Variants in SLC39A11 observed in about 807,000 individuals in gnomAD.
The protein encoded by SLC39A11 is zinc transporter ZIP11.
In SLC39A11, 33 loss-of-function variants were observed where a neutral mutation model predicts 36.1. That is an observed-to-expected ratio of 0.91 (90% CI 0.69 to 1.22). SLC39A11 has a LOEUF of 1.22. SLC39A11 is among the 50% of genes most tolerant of loss of function. The pLI is 0.00. For synonymous variants in SLC39A11, 166 were observed against 170.3 expected (o/e 0.97, Z 0.20); for missense variants, 432 against 430.3 (o/e 1.00, Z -0.03).
intron 5 of SLC39A11, among the ~76,000 whole-genome samples, chr17:72,932,713 G>C (rs1225211298): frequency 6.6e-6 from 1 of 152,028 alleles, no homozygotes; most frequent in African/African-American, 2.4e-5. Flanking sequence ...TGTCCAAACA[G>C]AATAACAACT....
intron 4 of SLC39A11, among the ~76,000 whole-genome samples, chr17:72,987,752 C>T (rs1157085384): frequency 6.6e-6 from 1 of 152,188 alleles, no homozygotes; most frequent in Non-Finnish European, 1.5e-5. Flanking sequence ...CTTCATGACA[C>T]TTACAGAGAA....
At chr17:72,824,036 C>A (rs2077910003) in intron 6 of SLC39A11, among the ~76,000 whole-genome samples, 2 of 151,060 alleles carry the variant, frequency 1.3e-5, no homozygotes, top group African/African-American at 4.8e-5. Flanking sequence ...AATAAAAGCA[C>A]AAAAAAACAT....
chr17:72,899,647 T>C (rs62069566), intron 5 of SLC39A11, among the ~76,000 whole-genome samples: 1,784 of 152,310 alleles, frequency 0.012, 16 homozygotes, highest in Non-Finnish European at 0.017. Context: ...AAAACTCATG[T>C]AGCAGAATGC....
chr17:73,069,572 C>G (rs2060098537), intron 3 of SLC39A11, among the ~76,000 whole-genome samples: 1 of 152,218 alleles, frequency 6.6e-6, no homozygotes, highest in South Asian at 2.1e-4. Flanking sequence ...TGATTACTGG[C>G]TCTTCTCCCC....
At chr17:72,842,687 C>A (rs906275957) in intron 6 of SLC39A11, among the ~76,000 whole-genome samples, 3 of 152,122 alleles carry the variant, frequency 2.0e-5, no homozygotes, top group African/African-American at 7.2e-5. Flanking sequence ...TCTAAAAAAC[C>A]ATGTTGTTTC....
chr17:72,954,206 C>T (rs1318722371), intron 4 of SLC39A11, among the ~76,000 whole-genome samples: 5 of 152,070 alleles, frequency 3.3e-5, no homozygotes, highest in African/African-American at 7.2e-5. Context: ...CCACCATGCC[C>T]GGCTAATATT....
chr17:72,685,425 G>A (rs957202201), intron 7 of SLC39A11, among the ~76,000 whole-genome samples: 3 of 152,280 alleles, frequency 2.0e-5, no homozygotes, highest in South Asian at 2.1e-4. Context: ...GAACAAGAAC[G>A]AGGCCCAGCG....
chr17:72,653,055 G>C (rs145335971), intron 7 of SLC39A11, among the ~76,000 whole-genome samples: 1 of 152,098 alleles, frequency 6.6e-6, no homozygotes, highest in Admixed American at 6.5e-5. Flanking sequence ...AAGGGAGTAG[G>C]GGGCATTCTG....
intron 5 of SLC39A11, among the ~76,000 whole-genome samples, chr17:72,880,585 T>C (rs1457782601): frequency 1.3e-5 from 2 of 151,892 alleles, no homozygotes; most frequent in African/African-American, 4.8e-5. Context: ...AAGAACTTGG[T>C]ATTGCAGAGA....
chr17:72,960,610 G>A (rs1165343377), intron 4 of SLC39A11, among the ~76,000 whole-genome samples: 2 of 151,894 alleles, frequency 1.3e-5, no homozygotes, highest in Admixed American at 6.5e-5. Flanking sequence ...TGAACATGGC[G>A]AGACCCCATC....
chr17:73,087,769 A>C (rs1250433378), intron 2 of SLC39A11, among the ~76,000 whole-genome samples: 1 of 152,020 alleles, frequency 6.6e-6, no homozygotes, highest in African/African-American at 2.4e-5. Flanking sequence ...GATACAAGGA[A>C]GATGTAGGAG....
At chr17:72,687,038 C>A (rs775233704) in intron 7 of SLC39A11, among the ~76,000 whole-genome samples, 71 of 152,218 alleles carry the variant, frequency 4.7e-4, no homozygotes, top group Non-Finnish European at 9.4e-4. Flanking sequence ...AATTTTGTTG[C>A]TGTTGTTGAG....
At chr17:72,655,893 A>G (rs1232623594) in intron 7 of SLC39A11, among the ~76,000 whole-genome samples, 1 of 152,134 alleles carries the variant, frequency 6.6e-6, no homozygotes, top group Admixed American at 6.5e-5. Context: ...TGTGGGGCCT[A>G]GACTGGCTGG....
chr17:72,841,924 T>C (rs2078832046), intron 6 of SLC39A11, among the ~76,000 whole-genome samples: 1 of 151,392 alleles, frequency 6.6e-6, no homozygotes, highest in Admixed American at 6.6e-5. Context: ...AAAAAGAAAT[T>C]AGCTGGGTGT....
chr17:73,088,563 T>C (rs2060817542), intron 2 of SLC39A11, 94 bp downstream of exon 2: 1 of 970,638 alleles, frequency 1.0e-6, no homozygotes, highest in Admixed American at 2.0e-5. Context: ...CCAGGGGCAC[T>C]GAAAAGTCTA....
At chr17:72,998,130 A>C (rs193093175) in intron 4 of SLC39A11, among the ~76,000 whole-genome samples, 47 of 152,306 alleles carry the variant, frequency 3.1e-4, no homozygotes, top group Non-Finnish European at 1.2e-4. Flanking sequence ...ACATGAACAG[A>C]AATGTGTTTT....
intron 6 of SLC39A11, among the ~76,000 whole-genome samples, chr17:72,813,750 A>T (rs2077499658): frequency 6.6e-6 from 1 of 152,248 alleles, no homozygotes; most frequent in Non-Finnish European, 1.5e-5. Flanking sequence ...AAAGTACGCC[A>T]GGAGCTAAGA....
chr17:72,822,936 C>A (rs151095595), intron 6 of SLC39A11, among the ~76,000 whole-genome samples: 2 of 149,662 alleles, frequency 1.3e-5, no homozygotes, highest in East Asian at 3.9e-4. Flanking sequence ...GAGGTGAGGT[C>A]AGTTGCCCTG....
chr17:73,058,034 G>C (rs1023850244), intron 3 of SLC39A11, among the ~76,000 whole-genome samples: 1 of 112,308 alleles, frequency 8.9e-6, no homozygotes, highest in South Asian at 2.7e-4. Flanking sequence ...TTTTGTAAAA[G>C]AAATTTACTT....
Sources: allele counts gnomAD v4.1 joint callset (sites outside exome capture counted in the v4.1 genomes callset), GRCh38; gene constraint gnomAD v4.1.1; transcripts MANE v1.5; gene names NCBI Gene and HGNC (gene_info 2026-07-23, HGNC 2026-07-21).